TRDN: variants seen among roughly 807,000 people sequenced by gnomAD.
TRDN encodes the protein triadin in skeletal muscle.
A neutral mutation model predicts 149.7 loss-of-function variants in TRDN; 161 were observed. The ratio of observed to expected loss-of-function variants is 1.08; its 90% CI spans 0.95 to 1.23. The LOEUF is 1.23. TRDN is among the 50% of genes most tolerant of loss of function. The pLI, the probability that TRDN is intolerant of heterozygous loss-of-function variation, is 0.00. For synonymous variants in TRDN, 294 were observed against 250.5 expected (o/e 1.17, Z -1.64); for missense variants, 896 against 823.5 (o/e 1.09, Z -1.08).
chr6:123,472,056 T>C (rs560514012), intron 9 of TRDN, among the ~76,000 whole-genome samples: 1 of 152,308 alleles, frequency 6.6e-6, no homozygotes, highest in East Asian at 1.9e-4. Flanking sequence ...AGGTCATGCA[T>C]TGAGAACAAA....
intron 24 of TRDN, among the ~76,000 whole-genome samples, chr6:123,315,351 C>T (rs1778985945): frequency 1.3e-5 from 2 of 151,736 alleles, no homozygotes; most frequent in Admixed American, 1.3e-4. Context: ...TTCAACTTTT[C>T]ATTGATCTTC....
At chr6:123,483,699 T>C (rs1777864640) in intron 9 of TRDN, among the ~76,000 whole-genome samples, 1 of 152,200 alleles carries the variant, frequency 6.6e-6, no homozygotes, top group African/African-American at 2.4e-5. Flanking sequence ...ATATTATTCA[T>C]TGTTTTATTC....
In TRDN at chr6:123,265,323, G is replaced by T. The variant is rs1184826732; in HGVS notation, c.1799C>A (p.Thr600Asn). The change falls in exon 33 of 41, where the codon ACT becomes AAT. Residue 600 changes from threonine to asparagine, a missense_variant. By Grantham distance (65) the Thr-to-Asn change is moderately conservative (BLOSUM62 0). Coordinates refer to ENST00000334268, the MANE Select transcript of TRDN (RefSeq NM_006073.4). ...PSIKTDKPKP[T>N]PKGTSEVTES... ...TTCTAAAATGGTACACTTACTTGGA[G>T]TTGGTTTTGGTTTGTCTAAAAAGGA... The T allele has an allele frequency of 1.4e-6, 2 of 1,420,266 alleles. No homozygotes were observed. Among genetic ancestry groups the T allele is most frequent in the East Asian group, 5.3e-5 (2 of 37,542 alleles). The allele number at this position is 1,420,266 out of a possible 1,614,324, so 88.0% of individuals were successfully genotyped here. A position where few individuals can be genotyped will look rare whatever the true frequency, so the allele number is the denominator to read the frequency against.
At position 123,217,136 on chromosome 6, in the gene TRDN, T is replaced by C. The variant is rs1774993908; in HGVS notation, c.*1465A>G. On this transcript the variant is annotated 3_prime_UTR_variant, in exon 41 of 41. Transcript: ENST00000334268. The stretch of plus-strand genomic sequence containing the variant: ...GTTCATGTGACACTGGCTTTCGTGG[T>C]GTGAATGTGGTCCACCAGCTTTTGG... The C allele has an allele frequency of 6.6e-6, 1 of 151,986 alleles. No individual in the cohort carries two copies. Among genetic ancestry groups the C allele is most frequent in the African/African-American group, 2.4e-5 (1 of 41,422 alleles). 9.4% of individuals were successfully genotyped at this position (151,986 alleles called of 1,614,324 possible).
At position 123,621,436 on chromosome 6, in the gene TRDN, C is replaced by T. The variant is rs191984082; in HGVS notation, c.22+15318G>A. 3.9e-5 allele frequency among the ~76,000 whole-genome samples: 6 copies of T among 151,998 alleles called. No individual in the cohort carries two copies. The East Asian group carries it at 1.2e-3, about 29-fold the overall frequency. On this transcript the variant is annotated intron_variant, in intron 1 of 40. Coordinates refer to ENST00000334268, the MANE Select transcript of TRDN (RefSeq NM_006073.4). The stretch of plus-strand genomic sequence containing the variant: ...CAACTTTTCACCATAGAACATAGTG[C>T]CATGAAATAAACATACATTGATAAT...
At chr6:123,305,347 T>C (rs990669478) in intron 24 of TRDN, among the ~76,000 whole-genome samples, 7 of 152,172 alleles carry the variant, frequency 4.6e-5, no homozygotes, top group Non-Finnish European at 7.4e-5. Context: ...AAAGCTATAA[T>C]ACACCTGTTA....
At chr6:123,231,389 G>A (rs1775596015) in intron 38 of TRDN, among the ~76,000 whole-genome samples, 1 of 151,968 alleles carries the variant, frequency 6.6e-6, no homozygotes, top group African/African-American at 2.4e-5. Context: ...ACTGGTGATG[G>A]ACTTTGAACA....
intron 12 of TRDN, among the ~76,000 whole-genome samples, chr6:123,432,433 CAAAA>C (rs35511361): frequency 6.9e-6 from 1 of 144,182 alleles, no homozygotes; most frequent in Non-Finnish European, 1.5e-5. Context: ...GTATTATCTC[CAAAA>C]AAAAAAAAGA....
intron 30 of TRDN, 107 bp from the exon 31 acceptor site, chr6:123,269,973 T>A: frequency 1.9e-6 from 2 of 1,073,692 alleles, no homozygotes; most frequent in Admixed American, 2.5e-5. Flanking sequence ...GGTCACCTCC[T>A]TAGCTTAAAC....
rs1361354064 is a variant in TRDN at position 123,497,933 on chromosome 6, A to AAC, written c.794-682_794-681insGT. Among the ~76,000 whole-genome samples the AAC allele has an allele frequency of 3.5e-3, 533 of 151,714 alleles. 2 individuals carry two copies. Among genetic ancestry groups the AAC allele is most frequent in the Non-Finnish European group, 5.0e-3 (341 of 67,884 alleles). ...GAAAGTAAACAAACAAACAAAAAAA[A>AAC]CATAGTATGTAAACATCATTTTGGG... On this transcript the variant is annotated intron_variant, in intron 8 of 40. Transcript: ENST00000334268.
intron 10 of TRDN, among the ~76,000 whole-genome samples, chr6:123,447,983 G>C (rs1320210144): frequency 1.3e-5 from 2 of 152,110 alleles, no homozygotes; most frequent in Non-Finnish European, 2.9e-5. Flanking sequence ...TGTAGAAAAT[G>C]ATGGGCTGTT....
At chr6:123,574,885 TATATATATAC>T (rs1247111002) in intron 1 of TRDN, among the ~76,000 whole-genome samples, 8,990 of 111,166 alleles carry the variant, frequency 0.081, 545 homozygotes, top group African/African-American at 0.15. Flanking sequence ...TATATATATA[TATATATATAC>T]ACACATTTTC....
At chr6:123,343,981 C>T (rs1014745969) in intron 21 of TRDN, among the ~76,000 whole-genome samples, 2 of 151,920 alleles carry the variant, frequency 1.3e-5, no homozygotes, top group African/African-American at 4.8e-5. Context: ...AAAAGGAACC[C>T]CAGAGAGCTC....
rs116547050 is a variant in TRDN, at chr6:123,451,498, A to G, written c.932-12495T>C. Among the ~76,000 whole-genome samples, 1,147 of 152,270 alleles carry G rather than the reference A, an allele frequency of 7.5e-3. 14 individuals carry two copies. Among genetic ancestry groups the G allele is most frequent in the African/African-American group, 0.026 (1,074 of 41,550 alleles). On this transcript the variant is annotated intron_variant, in intron 10 of 40. Transcript: ENST00000334268. ...CTTTACCCACATAAACTAAAAACCTAGAAGAGATGGATAAATTCCTAGAAA... is the reference window on the plus strand; with the variant it reads ...CTTTACCCACATAAACTAAAAACCTGGAAGAGATGGATAAATTCCTAGAAA...
intron 10 of TRDN, among the ~76,000 whole-genome samples, chr6:123,446,528 T>G (rs1775373385): frequency 7.3e-6 from 1 of 137,350 alleles, no homozygotes; most frequent in Admixed American, 8.6e-5. Context: ...GAGCTTGCAG[T>G]GAGCTGAGAT....
intron 10 of TRDN, among the ~76,000 whole-genome samples, chr6:123,452,118 A>C (rs984365706): frequency 2.0e-5 from 3 of 152,134 alleles, no homozygotes; most frequent in Non-Finnish European, 4.4e-5. Context: ...AAAGCTTTCC[A>C]TGAAAAACCC....
chr6:123,446,437 C>G (rs533206790), intron 10 of TRDN, among the ~76,000 whole-genome samples: 96 of 151,656 alleles, frequency 6.3e-4, no homozygotes, highest in Non-Finnish European at 9.7e-4. Context: ...AAAAAATTAG[C>G]CAGGTGGCGT....
At chr6:123,431,257 T>C (rs1774328617) in intron 12 of TRDN, among the ~76,000 whole-genome samples, 1 of 152,160 alleles carries the variant, frequency 6.6e-6, no homozygotes, top group Admixed American at 6.6e-5. Context: ...AAGTCAAGGC[T>C]GGGAAATACT....
intron 38 of TRDN, among the ~76,000 whole-genome samples, chr6:123,248,871 G>T (rs78450400): frequency 0.044 from 6,693 of 152,036 alleles, 430 homozygotes; most frequent in African/African-American, 0.15. Flanking sequence ...CAATCTACAA[G>T]GTCAGCATTA....
Sources: gnomAD v4.1 joint callset for allele counts (sites outside exome capture counted in the v4.1 genomes callset) on GRCh38, gnomAD v4.1.1 for gene constraint, MANE v1.5 for transcripts, NCBI Gene and HGNC (gene_info 2026-07-23, HGNC 2026-07-21) for gene names.